The following NOSIP variants were observed in gnomAD, a reference collection of about 807,000 sequenced individuals.
NOSIP encodes the protein nitric oxide synthase-interacting protein.
In NOSIP, 25 loss-of-function variants were observed where a neutral mutation model predicts 36.4. The observed-to-expected ratio is 0.69, with a 90% CI of 0.50 to 0.96. The LOEUF is 0.96. Among genes scored for constraint, NOSIP ranks in the 40% least tolerant of loss-of-function variants. NOSIP has a pLI of 0.00. For missense variants in NOSIP, 370 were observed against 429.0 expected (o/e 0.86, Z 1.21); for synonymous variants, 187 against 179.2 (o/e 1.04, Z -0.35).
Position 49,576,326 on chromosome 19 carries a change from C to T in NOSIP, c.-2+4189G>A, listed in dbSNP as rs1309157771. 2.0e-5 allele frequency among the ~76,000 whole-genome samples: 3 copies of T among 151,662 alleles called. No individual in the cohort carries two copies. The South Asian group carries it at 6.3e-4, about 32-fold the overall frequency. Reference sequence around the variant, plus strand: ...TGAGCAACATGCCAAAACCCTGTCTCTACCAAAAAAAAGCAGCAGCAGCAT... The same window carrying T: ...TGAGCAACATGCCAAAACCCTGTCTTTACCAAAAAAAAGCAGCAGCAGCAT... On this transcript the variant is annotated intron_variant, in intron 1 of 8. Transcript: ENST00000596358.
intron 1 of NOSIP, among the ~76,000 whole-genome samples, chr19:49,578,450 G>A (rs1361448036): frequency 6.6e-6 from 1 of 151,914 alleles, no homozygotes; most frequent in Non-Finnish European, 1.5e-5. Flanking sequence ...ACAGGTAGCT[G>A]GCAGGATTTG....
chr19:49,556,844 CCGT>C, intron 6 of NOSIP, 28 bp downstream of exon 6: 1 of 1,603,992 alleles, frequency 6.2e-7, no homozygotes, highest in African/African-American at 1.3e-5. Context: ...CGCCCTGGCA[CCGT>C]GCGTGCCGGG....
intron 1 of NOSIP, among the ~76,000 whole-genome samples, chr19:49,579,675 C>T (rs2080599670): frequency 6.6e-6 from 1 of 152,148 alleles, no homozygotes. Flanking sequence ...ATTGTAGATT[C>T]ACGAATAAAT....
At position 49,560,064 on chromosome 19, in the gene NOSIP, A is replaced by T. The variant is rs373563128; in HGVS notation, c.71-25T>A. Reference sequence around the variant, plus strand: ...GCTGGGGACAGAGATGGGCAGAGTGATGGAGGGGCGGAGCAACAGGAGACA... The same window carrying T: ...GCTGGGGACAGAGATGGGCAGAGTGTTGGAGGGGCGGAGCAACAGGAGACA... On this transcript the variant is annotated intron_variant, in intron 2 of 8. Transcript: ENST00000596358. The surrounding 1 kb of genome is among the most constrained non-coding windows in gnomAD (Gnocchi z 4.6). 3.5e-4 allele frequency: 540 copies of T among 1,525,252 alleles called. No individual in the cohort carries two copies. Among genetic ancestry groups the T allele is most frequent in the Non-Finnish European group, 4.8e-4 (525 of 1,103,212 alleles). The allele number at this position is 1,525,252 out of a possible 1,614,324, so 94.5% of individuals were successfully genotyped here. A position where few individuals can be genotyped will look rare whatever the true frequency, so the allele number is the denominator to read the frequency against.
chr19:49,563,416 ACTC>A (rs1599752851), intron 1 of NOSIP, among the ~76,000 whole-genome samples: 1 of 150,044 alleles, frequency 6.7e-6, no homozygotes, highest in South Asian at 2.1e-4. Context: ...ACTCAAGTGA[ACTC>A]CTGGCCTCCC....
Position 49,556,951 on chromosome 19 carries a change from T to C in NOSIP, c.461A>G (p.Asp154Gly), listed in dbSNP as rs1484357222. The change falls in exon 6 of 9, where the codon GAC becomes GGC. Residue 154 changes from aspartate (D) to glycine (G), a missense_variant. This residue lies in a region of NOSIP where 315 missense variants were observed against 331.9 expected (regional missense o/e 0.95). Coordinates refer to ENST00000596358, the MANE Select transcript of NOSIP (RefSeq NM_001270960.2). ...PGPSVGPPSK[D>G]KDKVLPSFWI... is the part of the protein sequence containing the mutation. Reference sequence around the variant, plus strand: ...GAAGCTGGGCAGCACTTTGTCCTTGTCCTTACTTGGAGGACCCACACTGGG... The same window carrying C: ...GAAGCTGGGCAGCACTTTGTCCTTGCCCTTACTTGGAGGACCCACACTGGG... 1 of 1,612,768 alleles carries C rather than the reference T, an allele frequency of 6.2e-7. No individual in the cohort carries two copies. The highest frequency in any genetic ancestry group is 1.7e-5 in the Admixed American group (1 of 59,794).
rs915838573 is a variant in NOSIP at position 49,557,933 on chromosome 19, CA to C, written c.259-685del. 3 of 987,072 alleles carry C rather than the reference CA, an allele frequency of 3.0e-6. No homozygotes were observed. The African/African-American group carries it at 5.2e-5, about 17-fold the overall frequency. The allele number at this position is 987,072 out of a possible 1,614,324, so 61.1% of individuals were successfully genotyped here. A position where few individuals can be genotyped will look rare whatever the true frequency, so the allele number is the denominator to read the frequency against. ...CCAGGCTGTGTGGAGGACATGGGCACAGGGGGAGCCACCTGCTTGGGACAAA... is the reference window on the plus strand; with the variant it reads ...CCAGGCTGTGTGGAGGACATGGGCACGGGGGAGCCACCTGCTTGGGACAAA... On this transcript the variant is annotated intron_variant, in intron 4 of 8. Transcript: ENST00000596358.
At chr19:49,567,636 C>G (rs1378565213) in intron 1 of NOSIP, among the ~76,000 whole-genome samples, 1 of 152,034 alleles carries the variant, frequency 6.6e-6, no homozygotes, top group African/African-American at 2.4e-5. Context: ...ACTTGTAATG[C>G]CTACAATCAA....
At position 49,560,825 on chromosome 19, in the gene NOSIP, A is replaced by G. The variant is rs2080323970; in HGVS notation, c.-1-133T>C. On this transcript the variant is annotated intron_variant, in intron 1 of 8. Coordinates refer to ENST00000596358, the MANE Select transcript of NOSIP (RefSeq NM_001270960.2). This position sits in a 1 kb window ranked among gnomAD's most constrained non-coding sequence, Gnocchi z 4.6. ...AGGCGGAGAAGGGGGGTGAGGTGGA[A>G]GAGAGGGAGGGCATGTGGTCGCCAG... is the stretch of plus-strand genomic sequence containing the variant. 6 of 714,936 alleles carry G rather than the reference A, an allele frequency of 8.4e-6. No homozygotes were observed. The highest frequency in any genetic ancestry group is 3.1e-4 in the Middle Eastern group (1 of 3,208). The allele number at this position is 714,936 out of a possible 1,614,324, so 44.3% of individuals were successfully genotyped here.
In NOSIP at chr19:49,555,653, G is replaced by T; in HGVS notation, c.*98C>A. 1.3e-5 allele frequency: 13 copies of T among 971,490 alleles called. No individual in the cohort carries two copies. The South Asian group carries it at 1.7e-4, about 13-fold the overall frequency. 60.2% of individuals were successfully genotyped at this position (971,490 alleles called of 1,614,324 possible). A position where few individuals can be genotyped will look rare whatever the true frequency, so the allele number is the denominator to read the frequency against. ...GTAGGAGCACTGTTTGCACGGCCCT[G>T]CATCCTCGCCTGCCCTGTCCCCGGG... On this transcript the variant is annotated 3_prime_UTR_variant, in exon 9 of 9. Coordinates refer to ENST00000596358, the MANE Select transcript of NOSIP (RefSeq NM_001270960.2).
chr19:49,565,899 C>A (rs193244408), intron 1 of NOSIP, among the ~76,000 whole-genome samples: 1 of 152,320 alleles, frequency 6.6e-6, no homozygotes, highest in Non-Finnish European at 1.5e-5. Flanking sequence ...GAACACAACT[C>A]TTGGATTTGA....
At chr19:49,567,022 G>C (rs986527215) in intron 1 of NOSIP, among the ~76,000 whole-genome samples, 1 of 150,904 alleles carries the variant, frequency 6.6e-6, no homozygotes, top group African/African-American at 2.4e-5. Flanking sequence ...CGCCATGTTG[G>C]CCAGGCTGGT....
intron 1 of NOSIP, among the ~76,000 whole-genome samples, chr19:49,576,589 G>A (rs10416310): frequency 0.42 from 60,290 of 145,034 alleles, 16,209 homozygotes; most frequent in African/African-American, 0.78. Flanking sequence ...TGTCTCTGGG[G>A]AAAAAAAAAA....
At chr19:49,575,518 A>G (rs1051058966) in intron 1 of NOSIP, among the ~76,000 whole-genome samples, 3 of 152,222 alleles carry the variant, frequency 2.0e-5, no homozygotes, top group African/African-American at 7.2e-5. Flanking sequence ...ACATGAAGCG[A>G]CCAGCTCTGA....
rs541621388 is a variant in NOSIP, at chr19:49,555,469, G to A, written c.*282C>T. The stretch of plus-strand genomic sequence containing the variant: ...AGACAAGGTTTCACCATGTTGGCCA[G>A]GCTGGTCTCGAACTCCTGACCTCAA... On this transcript the variant is annotated 3_prime_UTR_variant, in exon 9 of 9. Coordinates refer to ENST00000596358, the MANE Select transcript of NOSIP (RefSeq NM_001270960.2). Among the ~76,000 whole-genome samples, 185 of 152,194 alleles carry A rather than the reference G, an allele frequency of 1.2e-3. No homozygotes were observed. Among genetic ancestry groups the A allele is most frequent in the South Asian group, 2.5e-3 (12 of 4,828 alleles).
At chr19:49,577,767 G>GAAA (rs61302412) in intron 1 of NOSIP, among the ~76,000 whole-genome samples, 5 of 121,674 alleles carry the variant, frequency 4.1e-5, no homozygotes, top group Admixed American at 1.9e-4. Flanking sequence ...CGTGTCTCGG[G>GAAA]AAAAAAAAAA....
rs748863883 is a variant in NOSIP at position 49,556,874 on chromosome 19, C to T, written c.537+1G>A. ...CGTGCCGGGGCGCTGTGGGGGCTCA[C>T]CGGCTTCTCCAGCTTGGTGGCCTTG... On this transcript the variant is annotated splice_donor_variant, in intron 6 of 8. Transcript: ENST00000596358. LOFTEE classifies it high-confidence loss of function. 1 of 1,612,246 alleles carries T rather than the reference C, an allele frequency of 6.2e-7. No individual in the cohort carries two copies. The highest frequency in any genetic ancestry group is 1.1e-5 in the South Asian group (1 of 91,026).
intron 1 of NOSIP, among the ~76,000 whole-genome samples, chr19:49,569,186 G>A (rs1190040521): frequency 6.8e-6 from 1 of 147,676 alleles, no homozygotes; most frequent in East Asian, 2.1e-4. Flanking sequence ...AATCTACTGT[G>A]CATACAATGA....
chr19:49,556,784 G>A (rs760457647), intron 6 of NOSIP, 48 bp from the exon 7 acceptor site: 11 of 1,587,784 alleles, frequency 6.9e-6, no homozygotes, highest in Non-Finnish European at 9.4e-6. Context: ...GCTGGCGCAG[G>A]TGGAGAGCGC....
Sources: gnomAD v4.1 joint callset for allele counts (sites outside exome capture counted in the v4.1 genomes callset) on GRCh38, gnomAD v4.1.1 for gene constraint, gnomAD v4.1.1 regional missense constraint, Gnocchi (gnomAD v3.1) non-coding constraint, MANE v1.5 for transcripts, NCBI Gene and HGNC (gene_info 2026-07-23, HGNC 2026-07-21) for gene names.